Variants in ELAVL1 observed in about 807,000 individuals in gnomAD.
ELAVL1 encodes ELAV like RNA binding protein 1, also known as ELAV-like protein 1.
A neutral mutation model predicts 28.4 loss-of-function variants in ELAVL1; 1 was observed. That is an observed-to-expected ratio of 0.04 (90% CI 0.01 to 0.17). The LOEUF (loss-of-function observed/expected upper bound fraction) is 0.17, where lower values mean the gene tolerates loss of function less well. Among genes scored for constraint, ELAVL1 ranks in the 10% least tolerant of loss-of-function variants. The probability of loss-of-function intolerance (pLI) is 1.00; values close to 1 mark genes in which losing one functional copy is unlikely to be tolerated. For missense variants in ELAVL1, 157 were observed against 447.2 expected (o/e 0.35, Z 5.85); for synonymous variants, 174 against 183.5 (o/e 0.95, Z 0.42).
chr19:7,984,926 T>TG (rs897513339), intron 2 of ELAVL1, among the ~76,000 whole-genome samples: 5 of 151,774 alleles, frequency 3.3e-5, no homozygotes, highest in African/African-American at 4.8e-5. Flanking sequence ...AAGGAGGAGG[T>TG]GGGGGGGTTG....
intron 5 of ELAVL1, among the ~76,000 whole-genome samples, chr19:7,965,051 G>A (rs143901665): frequency 1.3e-5 from 2 of 152,344 alleles, no homozygotes; most frequent in East Asian, 3.9e-4. Context: ...ACAGACACGA[G>A]AGGACACCAG....
chr19:7,968,754 G>A (rs956478263), intron 4 of ELAVL1, among the ~76,000 whole-genome samples: 3 of 152,240 alleles, frequency 2.0e-5, no homozygotes, highest in Admixed American at 6.5e-5. Flanking sequence ...CAAGGCGGGT[G>A]GAAGGAGAGC....
chr19:7,971,483 G>A lies in ELAVL1; in HGVS notation c.430+2242C>T, dbSNP rs1397614965. On this transcript the variant is annotated intron_variant, in intron 4 of 5. Transcript: ENST00000407627. The stretch of plus-strand genomic sequence containing the variant: ...CAGATGCCCCAGTGCAGAATGGGGG[G>A]CAATAAACCCACACACTGGCCCACT... 2.0e-5 allele frequency among the ~76,000 whole-genome samples: 3 copies of A among 152,240 alleles called. No individual in the cohort carries two copies. In the East Asian group the frequency reaches 5.8e-4, roughly 29 times the overall value.
At chr19:7,978,610 C>CCCTT (rs1985368565) in intron 3 of ELAVL1, among the ~76,000 whole-genome samples, 1 of 152,108 alleles carries the variant, frequency 6.6e-6, no homozygotes, top group Non-Finnish European at 1.5e-5. Context: ...ATTTGGCAGG[C>CCCTT]CCTGAGTTGC....
intron 2 of ELAVL1, among the ~76,000 whole-genome samples, chr19:7,985,681 CTGGGATGGGAGA>C (rs1441837937): frequency 2.0e-5 from 3 of 152,286 alleles, no homozygotes; most frequent in East Asian, 3.9e-4. Flanking sequence ...AACGGGGCCC[CTGGGATGGGAGA>C]TGGGATGGAG....
chr19:8,003,709 AG>A (rs2081077331), intron 1 of ELAVL1, among the ~76,000 whole-genome samples: 1 of 151,648 alleles, frequency 6.6e-6, no homozygotes, highest in East Asian at 1.9e-4. Flanking sequence ...AAAAAAAAAA[AG>A]AAATAGCACC....
Position 7,985,621 on chromosome 19 carries a change from C to T in ELAVL1, c.173-4435G>A, listed in dbSNP as rs370379038. Among the ~76,000 whole-genome samples, 11 of 152,188 alleles carry T rather than the reference C, an allele frequency of 7.2e-5. No individual in the cohort carries two copies. In the South Asian group the frequency reaches 1.2e-3, roughly 17 times the overall value. Reference sequence around the variant, plus strand: ...GGGAGCCAAGCTCAGAGGGGCCTGGCTCCTGCACAGGCCGTGGTGGGCCTG... The same window carrying T: ...GGGAGCCAAGCTCAGAGGGGCCTGGTTCCTGCACAGGCCGTGGTGGGCCTG... On this transcript the variant is annotated intron_variant, in intron 2 of 5. Transcript: ENST00000407627.
chr19:7,997,776 CAAAAAAAA>C, intron 1 of ELAVL1, among the ~76,000 whole-genome samples: 1 of 125,790 alleles, frequency 7.9e-6, no homozygotes, highest in East Asian at 2.2e-4. Context: ...GCCATCATTA[CAAAAAAAA>C]AAAAAATTAA....
chr19:7,967,453 GCTCT>G (rs1984986744), intron 5 of ELAVL1, 108 bp downstream of exon 5: 2 of 1,191,758 alleles, frequency 1.7e-6, no homozygotes, highest in Non-Finnish European at 1.2e-6. Context: ...TCTGAAACGC[GCTCT>G]CTGACGGGAT....
chr19:7,970,892 T>C (rs952421457), intron 4 of ELAVL1, among the ~76,000 whole-genome samples: 2 of 152,260 alleles, frequency 1.3e-5, no homozygotes, highest in African/African-American at 2.4e-5. Context: ...AAAAAGCCCG[T>C]CACAGGAAGG....
chr19:7,977,596 T>A (rs1261959725), intron 3 of ELAVL1, among the ~76,000 whole-genome samples: 1 of 152,202 alleles, frequency 6.6e-6, no homozygotes, highest in Non-Finnish European at 1.5e-5. Context: ...GTCGCCTCCA[T>A]GCAGGACCAC....
chr19:8,005,275 G>A (rs538168623), intron 1 of ELAVL1, among the ~76,000 whole-genome samples: 45 of 151,664 alleles, frequency 3.0e-4, no homozygotes, highest in African/African-American at 1.1e-3. Context: ...CGTCCCTCGA[G>A]GCGCCAGAGG....
chr19:7,960,425 GC>G lies in ELAVL1; in HGVS notation c.*3057del, dbSNP rs1451875054. 6.6e-6 allele frequency: 1 copy of G among 152,238 alleles called. No homozygotes were observed. Among genetic ancestry groups the G allele is most frequent in the Non-Finnish European group, 1.5e-5 (1 of 68,044 alleles). 9.4% of individuals were successfully genotyped at this position (152,238 alleles called of 1,614,324 possible). ...TTCAGGATATTCACGCAGGATGGTG[GC>G]CGGGGAGGGGACTCAGCACCCGGGA... On this transcript the variant is annotated 3_prime_UTR_variant, in exon 6 of 6. Coordinates refer to ENST00000407627, the MANE Select transcript of ELAVL1 (RefSeq NM_001419.3).
intron 2 of ELAVL1, among the ~76,000 whole-genome samples, chr19:7,986,334 T>C (rs1985601309): frequency 6.6e-6 from 1 of 151,730 alleles, no homozygotes. Context: ...CAGCAATAAA[T>C]AAGAAACAGC....
In ELAVL1 at chr19:7,963,887, C is replaced by T. The variant is rs1043530819; in HGVS notation, c.657-80G>A. On this transcript the variant is annotated intron_variant, in intron 5 of 5. Transcript: ENST00000407627. This position sits in a 1 kb window ranked among gnomAD's most constrained non-coding sequence, Gnocchi z 4.5. ...GGGGCAAGGCCTGGACGCATGCTGA[C>T]CATGGCCGCTGGGCCCCATCCCGCT... The T allele has an allele frequency of 4.1e-6, 6 of 1,471,304 alleles. No individual in the cohort carries two copies. Among genetic ancestry groups the T allele is most frequent in the Non-Finnish European group, 4.6e-6 (5 of 1,094,800 alleles). The allele number at this position is 1,471,304 out of a possible 1,614,324, so 91.1% of individuals were successfully genotyped here.
chr19:7,984,842 T>C (rs1409405299), intron 2 of ELAVL1, among the ~76,000 whole-genome samples: 1 of 152,170 alleles, frequency 6.6e-6, no homozygotes, highest in Non-Finnish European at 1.5e-5. Context: ...TTGCCTCCAA[T>C]AGAAACAAAT....
chr19:7,991,878 G>T, intron 1 of ELAVL1, 47 bp from the exon 2 acceptor site: 1 of 1,434,234 alleles, frequency 7.0e-7, no homozygotes. Flanking sequence ...TCATATTGCA[G>T]TATATGAAGG....
At chr19:7,989,358 C>T (rs1372928976) in intron 2 of ELAVL1, among the ~76,000 whole-genome samples, 1 of 152,202 alleles carries the variant, frequency 6.6e-6, no homozygotes, top group Non-Finnish European at 1.5e-5. Flanking sequence ...GCGCCAGTTA[C>T]TAACTACTGT....
chr19:7,964,457 G>A (rs1174523859), intron 5 of ELAVL1, among the ~76,000 whole-genome samples: 1 of 152,130 alleles, frequency 6.6e-6, no homozygotes, highest in Non-Finnish European at 1.5e-5. Flanking sequence ...GAAGGGCCCT[G>A]GGACACCAGC....
Sources: allele counts gnomAD v4.1 joint callset (sites outside exome capture counted in the v4.1 genomes callset), GRCh38; gene constraint gnomAD v4.1.1; non-coding constraint Gnocchi (gnomAD v3.1); transcripts MANE v1.5; gene names NCBI Gene and HGNC (gene_info 2026-07-23, HGNC 2026-07-21).